The following RNLS variants were observed in gnomAD, a reference collection of about 807,000 sequenced individuals.
RNLS encodes renalase, FAD dependent amine oxidase.
A neutral mutation model predicts 39.8 loss-of-function variants in RNLS; 39 were observed. The observed-to-expected ratio is 0.98, with a 90% CI of 0.76 to 1.28. The LOEUF is 1.28. Ranked by LOEUF, RNLS falls within the 50% of genes most tolerant of loss-of-function variation. The pLI, the probability that RNLS is intolerant of heterozygous loss-of-function variation, is 0.00. For synonymous variants in RNLS, 147 were observed against 150.7 expected (o/e 0.98, Z 0.18); for missense variants, 410 against 413.3 (o/e 0.99, Z 0.07).
intron 4 of RNLS, among the ~76,000 whole-genome samples, chr10:88,366,663 G>GGA (rs1554872613): frequency 7.7e-5 from 2 of 25,838 alleles, no homozygotes; most frequent in African/African-American, 3.2e-4. Flanking sequence ...TAAGTTTTCT[G>GGA]AAAAAAAAAA....
At chr10:88,554,516 A>G (rs1848757166) in intron 4 of RNLS, among the ~76,000 whole-genome samples, 1 of 151,972 alleles carries the variant, frequency 6.6e-6, no homozygotes, top group Non-Finnish European at 1.5e-5. Context: ...CTACATGACC[A>G]CAGAACACTT....
the RNLS span, among the ~76,000 whole-genome samples, chr10:88,268,836 T>C: frequency 6.6e-6 from 1 of 152,214 alleles, no homozygotes; most frequent in African/African-American, 2.4e-5. Context: ...CAGAATGAAT[T>C]TATTTCAAGT....
At chr10:88,263,888 G>C in the RNLS span, among the ~76,000 whole-genome samples, 2 of 152,038 alleles carry the variant, frequency 1.3e-5, no homozygotes, top group Admixed American at 1.3e-4. Context: ...AAGCTCTATA[G>C]TGGTGATTTC....
intron 5 of RNLS, among the ~76,000 whole-genome samples, chr10:88,322,149 C>G (rs1047464748): frequency 1.3e-5 from 2 of 152,078 alleles, no homozygotes; most frequent in Admixed American, 1.3e-4. Flanking sequence ...TCAGCATACA[C>G]AAATCAAGGT....
chr10:88,466,164 T>A (rs1167570070), intron 4 of RNLS, among the ~76,000 whole-genome samples: 2 of 152,100 alleles, frequency 1.3e-5, no homozygotes, highest in African/African-American at 4.8e-5. Flanking sequence ...CTGATTGTCC[T>A]GCCCAATATA....
Position 88,470,049 on chromosome 10 carries a change from G to A in RNLS, c.526+102854C>T, listed in dbSNP as rs181375708. 3.4e-3 allele frequency among the ~76,000 whole-genome samples: 512 copies of A among 151,936 alleles called. 1 individual carries two copies. Among genetic ancestry groups the A allele is most frequent in the Non-Finnish European group, 5.6e-3 (378 of 67,996 alleles). ...CTTTATTTTCATAAATGAATTAGTA[G>A]TATTTCTAACATATATTAATAGTTT... On this transcript the variant is annotated intron_variant, in intron 4 of 6. Coordinates refer to ENST00000331772, the MANE Select transcript of RNLS (RefSeq NM_001031709.3).
At chr10:88,290,356 G>C (rs1164393529) in intron 6 of RNLS, among the ~76,000 whole-genome samples, 1 of 152,186 alleles carries the variant, frequency 6.6e-6, no homozygotes, top group African/African-American at 2.4e-5. Flanking sequence ...TGACATTCAA[G>C]TGGGTAGGCA....
intron 4 of RNLS, among the ~76,000 whole-genome samples, chr10:88,491,504 T>A (rs1844876305): frequency 6.6e-6 from 1 of 152,168 alleles, no homozygotes; most frequent in Non-Finnish European, 1.5e-5. Context: ...CAGGGATATA[T>A]GTTTCTGAGT....
chr10:88,276,422 G>A (rs1443379602), intron 6 of RNLS, among the ~76,000 whole-genome samples: 3 of 151,930 alleles, frequency 2.0e-5, no homozygotes, highest in African/African-American at 7.3e-5. Flanking sequence ...TTATATATTT[G>A]TTTATATTTA....
chr10:88,263,211 AG>A, the RNLS span, among the ~76,000 whole-genome samples: 2 of 152,120 alleles, frequency 1.3e-5, no homozygotes, highest in Non-Finnish European at 2.9e-5. Flanking sequence ...ATTTGAGGCA[AG>A]GGGAAGTGAA....
chr10:88,379,384 A>C (rs2133494970), intron 4 of RNLS, among the ~76,000 whole-genome samples: 1 of 152,224 alleles, frequency 6.6e-6, no homozygotes, highest in East Asian at 1.9e-4. Context: ...CCCCAGACCA[A>C]GGTGTTTTTT....
chr10:88,368,164 G>A (rs771067423), intron 4 of RNLS, among the ~76,000 whole-genome samples: 1 of 151,668 alleles, frequency 6.6e-6, no homozygotes, highest in Admixed American at 6.6e-5. Flanking sequence ...ATATTTTAAA[G>A]TAATAGGCAG....
intron 4 of RNLS, among the ~76,000 whole-genome samples, chr10:88,420,371 A>G (rs1435539128): frequency 6.6e-6 from 1 of 152,212 alleles, no homozygotes; most frequent in African/African-American, 2.4e-5. Context: ...TCTATTGTAC[A>G]AATTATCACA....
chr10:88,452,292 C>G (rs1190233696), intron 4 of RNLS, among the ~76,000 whole-genome samples: 1 of 152,136 alleles, frequency 6.6e-6, no homozygotes, highest in Non-Finnish European at 1.5e-5. Flanking sequence ...AAAGTGGGAA[C>G]TACGGTGATG....
chr10:88,291,814 T>G (rs1843688088), intron 6 of RNLS, among the ~76,000 whole-genome samples: 1 of 152,166 alleles, frequency 6.6e-6, no homozygotes, highest in African/African-American at 2.4e-5. Flanking sequence ...CCATTTCCTC[T>G]AGATGCCGCT....
At chr10:88,223,152 A>G in the RNLS span, among the ~76,000 whole-genome samples, 1 of 152,234 alleles carries the variant, frequency 6.6e-6, no homozygotes, top group African/African-American at 2.4e-5. Flanking sequence ...TCAGTCTCAC[A>G]ATCTCCCCCA....
intron 4 of RNLS, among the ~76,000 whole-genome samples, chr10:88,475,495 C>A (rs560283882): frequency 6.6e-6 from 1 of 152,174 alleles, no homozygotes; most frequent in South Asian, 2.1e-4. Flanking sequence ...TCTTTTTAAC[C>A]CTCAGTTGTC....
At chr10:88,247,588 A>C in the RNLS span, among the ~76,000 whole-genome samples, 1 of 152,198 alleles carries the variant, frequency 6.6e-6, no homozygotes, top group Admixed American at 6.5e-5. Context: ...GGTAAGGATT[A>C]AGTGAAGTAC....
Position 88,322,186 on chromosome 10 carries a change from T to C in RNLS, c.701-7545A>G, listed in dbSNP as rs190089003. Among the ~76,000 whole-genome samples the C allele has an allele frequency of 1.6e-4, 25 of 152,178 alleles. No individual in the cohort carries two copies. In the East Asian group the frequency reaches 3.1e-3, roughly 19 times the overall value. Reference sequence around the variant, plus strand: ...ATTCACCACATAAACAAAAACCATATTATTATCTCAATAAATGCAAAAAAT... The same window carrying C: ...ATTCACCACATAAACAAAAACCATACTATTATCTCAATAAATGCAAAAAAT... On this transcript the variant is annotated intron_variant, in intron 5 of 6. Transcript: ENST00000331772.
Sources: gnomAD v4.1 joint callset for allele counts (sites outside exome capture counted in the v4.1 genomes callset) on GRCh38, gnomAD v4.1.1 for gene constraint, MANE v1.5 for transcripts, NCBI Gene and HGNC (gene_info 2026-07-23, HGNC 2026-07-21) for gene names.